Variants in IL4I1 observed in about 807,000 individuals in gnomAD.
The protein encoded by IL4I1 is L-amino-acid oxidase.
Under a neutral mutation model 29.7 loss-of-function variants are expected in IL4I1, and 24 were observed. The observed-to-expected ratio is 0.81, with a 90% CI of 0.59 to 1.14. The LOEUF (loss-of-function observed/expected upper bound fraction) is 1.14. IL4I1 is among the 50% of genes most tolerant of loss of function. IL4I1 has a pLI of 0.00. For missense variants in IL4I1, 686 were observed against 785.6 expected (o/e 0.87, Z 1.52); for synonymous variants, 371 against 352.5 (o/e 1.05, Z -0.59).
rs776097662 is a variant in IL4I1, at chr19:49,894,401, G to C, written c.434C>G (p.Thr145Arg). 3 of 1,614,110 alleles carry C rather than the reference G, an allele frequency of 1.9e-6. No homozygotes were observed. The highest frequency in any genetic ancestry group is 2.5e-6 in the Non-Finnish European group (3 of 1,180,050). ...LTKFTQYDKNTWTEVHEVKLR... is the reference protein window; with the variant it reads ...LTKFTQYDKNRWTEVHEVKLR... ...CTTCACTTCGTGCACCTCCGTCCAC[G>C]TGTTCTTGTCGTACTGGGTGAACTT... Residue 145 changes from threonine to arginine, a missense_variant, in exon 5 of 8, where the codon ACG becomes AGG. By Grantham distance (71) the Thr-to-Arg change is moderately conservative. Coordinates refer to ENST00000391826, the MANE Select transcript of IL4I1 (RefSeq NM_152899.2).
At chr19:49,898,422 T>C (rs376439114), upstream of IL4I1, among the ~76,000 whole-genome samples, 24 of 152,348 alleles carry the variant, frequency 1.6e-4, 1 homozygote, top group East Asian at 4.2e-3. Context: ...GAGGATTGCT[T>C]GAGCCCAGGG....
At position 49,908,687 on chromosome 19, in the gene IL4I1, C is replaced by T. The variant is rs373964240; in HGVS notation, c.-227-4366G>A. On this transcript the variant is annotated intron_variant, in intron 2 of 9. Transcript: ENST00000341114. ...CACCTTCTCCACCTCGCGGTGCAGGCTGGTGATCTTTTCTCCATTCTCGAT... is the reference window on the plus strand; with the variant it reads ...CACCTTCTCCACCTCGCGGTGCAGGTTGGTGATCTTTTCTCCATTCTCGAT... 8.1e-6 allele frequency: 13 copies of T among 1,612,114 alleles called. No individual in the cohort carries two copies. The African/African-American group carries it at 1.7e-4, about 22-fold the overall frequency.
intron 2 of IL4I1, among the ~76,000 whole-genome samples, chr19:49,926,095 G>A (rs1230222576): frequency 6.6e-6 from 1 of 151,360 alleles, no homozygotes; most frequent in Non-Finnish European, 1.5e-5. Flanking sequence ...TGTAATCCCA[G>A]CTACTCTGGA....
At chr19:49,897,183 G>A (rs1221644648), upstream of IL4I1, among the ~76,000 whole-genome samples, 1 of 152,302 alleles carries the variant, frequency 6.6e-6, no homozygotes, top group South Asian at 2.1e-4. Flanking sequence ...CAGGCCACTT[G>A]TTTCTATCCT....
In IL4I1 at chr19:49,920,646, G is replaced by A. The variant is rs144380447; in HGVS notation, c.-228+7048C>T. ...GACTTTACCCCGAGGGCAACGGCTC[G>A]GGCAGAGTTTCTAAGGGCAGGCCCA... On this transcript the variant is annotated intron_variant, in intron 2 of 9. Coordinates refer to the IL4I1 transcript ENST00000341114. Among the ~76,000 whole-genome samples, 747 of 152,302 alleles carry A rather than the reference G, an allele frequency of 4.9e-3. 8 individuals are homozygous for A. Among genetic ancestry groups the A allele is most frequent in the South Asian group, 0.022 (106 of 4,832 alleles).
chr19:49,925,383 T>A (rs903071274), intron 2 of IL4I1, among the ~76,000 whole-genome samples: 2 of 147,578 alleles, frequency 1.4e-5, no homozygotes, highest in African/African-American at 2.5e-5. Context: ...AGCCCAGGAA[T>A]CAGGAATTCA....
intron 2 of IL4I1, among the ~76,000 whole-genome samples, chr19:49,923,108 A>G (rs2075803453): frequency 6.6e-6 from 1 of 151,974 alleles, no homozygotes. Context: ...GACTGCTTCT[A>G]CTGAAGGGAC....
chr19:49,905,962 T>C (rs990543217), intron 2 of IL4I1, among the ~76,000 whole-genome samples: 1 of 152,080 alleles, frequency 6.6e-6, no homozygotes, highest in Non-Finnish European at 1.5e-5. Flanking sequence ...ACCTGGGCCA[T>C]GAATCTCCCA....
chr19:49,906,586 T>G (rs1011717620), intron 2 of IL4I1, among the ~76,000 whole-genome samples: 7 of 152,224 alleles, frequency 4.6e-5, no homozygotes, highest in African/African-American at 1.7e-4. Context: ...TTCACTCGTG[T>G]GTTCCTCTTC....
chr19:49,906,771 GCT>G (rs923568735), intron 2 of IL4I1: 4 of 152,220 alleles, frequency 2.6e-5, no homozygotes, highest in African/African-American at 9.7e-5. Context: ...CCTGGAACCT[GCT>G]CTTTTTACTC....
Position 49,894,286 on chromosome 19 carries a change from G to A in IL4I1, c.549C>T (p.Tyr183=). 1 of 1,613,942 alleles carries A rather than the reference G, an allele frequency of 6.2e-7. No individual in the cohort carries two copies. Among genetic ancestry groups the A allele is most frequent in the East Asian group, 2.2e-5 (1 of 44,874 alleles). The part of the protein sequence containing the change: ...QEKGHSPEDI[Y]QMALNQALKD... The stretch of plus-strand genomic sequence containing the variant: ...TACCCACCTGGTTGAGAGCCATCTG[G>A]TAGATGTCTTCGGGCGAGTGGCCCT... Residue 183 remains tyrosine (Y), a synonymous_variant, in exon 5 of 8, where the codon TAC becomes TAT. Coordinates refer to ENST00000391826, the MANE Select transcript of IL4I1 (RefSeq NM_152899.2).
intron 2 of IL4I1, among the ~76,000 whole-genome samples, chr19:49,915,858 A>G (rs2075610703): frequency 2.0e-5 from 3 of 152,350 alleles, no homozygotes; most frequent in South Asian, 4.1e-4. Flanking sequence ...CAGCCACGAT[A>G]GGCCATCTAT....
intron 2 of IL4I1, among the ~76,000 whole-genome samples, chr19:49,923,711 C>T (rs2075817301): frequency 6.6e-6 from 1 of 152,282 alleles, no homozygotes; most frequent in South Asian, 2.1e-4. Flanking sequence ...CTCAAAACCA[C>T]CGTCTGCAAT....
chr19:49,924,541 AAG>A (rs2075839229), intron 2 of IL4I1, among the ~76,000 whole-genome samples: 1 of 152,136 alleles, frequency 6.6e-6, no homozygotes. Flanking sequence ...CGCACCGAAA[AAG>A]AGTCCCCAGT....
intron 2 of IL4I1, among the ~76,000 whole-genome samples, chr19:49,914,187 C>T (rs1287731848): frequency 6.6e-6 from 1 of 152,162 alleles, no homozygotes; most frequent in Non-Finnish European, 1.5e-5. Context: ...AATACTAGAA[C>T]TTGGGAAGTT....
At chr19:49,928,035 T>G (rs1210133714) in intron 1 of IL4I1, 1 of 152,314 alleles carries the variant, frequency 6.6e-6, no homozygotes, top group East Asian at 1.9e-4. Flanking sequence ...CCTCGATGTC[T>G]GAATCCCTGC....
At chr19:49,893,555 T>C (rs373831830) in intron 5 of IL4I1, among the ~76,000 whole-genome samples, 2 of 151,988 alleles carry the variant, frequency 1.3e-5, no homozygotes, top group East Asian at 3.9e-4. Context: ...GGGAGGCAGA[T>C]GTCTCCATCA....
chr19:49,906,618 C>T (rs2122575165), intron 2 of IL4I1, among the ~76,000 whole-genome samples: 1 of 152,362 alleles, frequency 6.6e-6, no homozygotes, highest in Middle Eastern at 3.4e-3. Context: ...CCACCCCTTC[C>T]TGGAGCAAAC....
intron 2 of IL4I1, among the ~76,000 whole-genome samples, chr19:49,918,085 T>C (rs1158283053): frequency 6.6e-6 from 1 of 151,724 alleles, no homozygotes; most frequent in Non-Finnish European, 1.5e-5. Flanking sequence ...TTTCTTTTTT[T>C]TTTTTTGAGA....
Sources: allele counts gnomAD v4.1 joint callset (sites outside exome capture counted in the v4.1 genomes callset), GRCh38; gene constraint gnomAD v4.1.1; transcripts MANE v1.5; gene names NCBI Gene and HGNC (gene_info 2026-07-23, HGNC 2026-07-21).